Variants in TNXB observed in about 807,000 individuals in gnomAD.
The protein encoded by TNXB is tenascin XB, also known as tenascin-X.
TNXB carries 183 observed loss-of-function variants against 340.5 expected under a neutral mutation model. The observed-to-expected ratio is 0.54, with a 90% confidence interval of 0.48 to 0.61. TNXB has a LOEUF of 0.61. Among genes scored for constraint, TNXB ranks in the 20% least tolerant of loss-of-function variants. The pLI, the probability that TNXB is intolerant of heterozygous loss-of-function variation, is 0.00. For missense variants in TNXB, 4,613 were observed against 5,446.4 expected, an observed-to-expected ratio of 0.85 and a Z score of 4.82; for synonymous variants, 2,121 against 2,314.5, an observed-to-expected ratio of 0.92 and a Z score of 2.40.
chr6:32,061,345 C>T lies in TNXB; in HGVS notation c.7492+52G>A. 6 of 1,590,832 alleles carry T rather than the reference C, an allele frequency of 3.8e-6. No homozygotes were observed. The highest frequency in any genetic ancestry group is 4.3e-6 in the Non-Finnish European group (5 of 1,167,000). Reference sequence around the variant, plus strand: ...TTGGTGAAAGGGCACAGCAGTAAACCAGGTACCCATGAGGGAAAGGTGGTT... The same window carrying T: ...TTGGTGAAAGGGCACAGCAGTAAACTAGGTACCCATGAGGGAAAGGTGGTT... On this transcript the variant is annotated intron_variant, in intron 21 of 43. Transcript: ENST00000644971. The surrounding 1 kb of genome is among the most constrained non-coding windows in gnomAD (Gnocchi z 4.4).
chr6:32,061,433 GC>G lies in TNXB; in HGVS notation c.7455del (p.Arg2486GlyfsTer11). On this transcript the variant is annotated frameshift_variant, in exon 21 of 44. Transcript: ENST00000644971. LOFTEE classifies it high-confidence loss of function. The surrounding 1 kb of genome is among the most constrained non-coding windows in gnomAD (Gnocchi z 4.4). ...ACGGTGGACACCGGGCCCACGCGCCGCCCCTCGTGGAGGCCATACAGGTGCA... is the reference window on the plus strand; with the variant it reads ...ACGGTGGACACCGGGCCCACGCGCCGCCCTCGTGGAGGCCATACAGGTGCA... ...YKMHLYGLHE[G>X]RRVGPVSTVG... 1 of 1,612,732 alleles carries G rather than the reference GC, an allele frequency of 6.2e-7. No homozygotes were observed.
Position 32,073,911 on chromosome 6 carries a change from G to A in TNXB, c.4417C>T (p.Leu1473=). ...GTCAGCTCTCCTAGGCGTGGCTCCA[G>A]CGGGGACTCAGTGGCTGGAGGGGTC... ...EETPPATESP[L]EPRLGELTVT... is the part of the protein sequence containing the mutation. The change falls in exon 12 of 44, where the codon CTG becomes TTG. Residue 1473 remains leucine (L), a synonymous_variant. Transcript: ENST00000644971. This position sits in a 1 kb window ranked among gnomAD's most constrained non-coding sequence, Gnocchi z 4.6. 6.2e-7 allele frequency: 1 copy of A among 1,605,732 alleles called. No homozygotes were observed. Among genetic ancestry groups the A allele is most frequent in the Non-Finnish European group, 8.5e-7 (1 of 1,176,166 alleles).
chr6:32,056,886 T>C lies in TNXB; in HGVS notation c.7843A>G (p.Thr2615Ala). 3 of 1,611,496 alleles carry C rather than the reference T, an allele frequency of 1.9e-6. No individual in the cohort carries two copies. The highest frequency in any genetic ancestry group is 2.5e-6 in the Non-Finnish European group (3 of 1,178,826). ...VGVTEDEAET[T>A]QAVPTMTPEP... ...GGGGTCATGGTAGGCACTGCTTGGGTGGTCTCGGCTTCATCCTCTGGAGTT... is the reference window on the plus strand; with the variant it reads ...GGGGTCATGGTAGGCACTGCTTGGGCGGTCTCGGCTTCATCCTCTGGAGTT... The change falls in exon 23 of 44, where the codon ACC (threonine) becomes GCC (alanine). Residue 2615 changes from threonine (T) to alanine (A), a missense_variant. Physicochemically the swap from Thr to Ala is moderately conservative, Grantham distance 58 (BLOSUM62 0). This residue lies in a region of TNXB where 4,327 missense variants were observed against 4,859.4 expected (regional missense o/e 0.89). Coordinates refer to ENST00000644971, the MANE Select transcript of TNXB (RefSeq NM_001365276.2).
At position 32,047,112 on chromosome 6, in the gene TNXB, A is replaced by G. The variant is rs1445041790; in HGVS notation, c.10324+622T>C. 1.3e-5 allele frequency among the ~76,000 whole-genome samples: 2 copies of G among 152,110 alleles called. No individual in the cohort carries two copies. Among genetic ancestry groups the G allele is most frequent in the Non-Finnish European group, 2.9e-5 (2 of 68,002 alleles). On this transcript the variant is annotated intron_variant, in intron 30 of 43. Transcript: ENST00000644971. This position sits in a 1 kb window ranked among gnomAD's most constrained non-coding sequence, Gnocchi z 6.2. Reference sequence around the variant, plus strand: ...CTGGGGCCGATGGGTGGGGATCTGTACCCCGTCCCCACAGTGAGGGTTTGG... The same window carrying G: ...CTGGGGCCGATGGGTGGGGATCTGTGCCCCGTCCCCACAGTGAGGGTTTGG...
In TNXB at chr6:32,050,213, G is replaced by A. The variant is rs375552647; in HGVS notation, c.9224C>T (p.Ser3075Phe). The A allele has an allele frequency of 1.2e-6, 2 of 1,613,808 alleles. No homozygotes were observed. The highest frequency in any genetic ancestry group is 8.5e-7 in the Non-Finnish European group (1 of 1,179,878). Residue 3075 changes from serine to phenylalanine, a missense_variant, in exon 27 of 44, where the codon TCC (serine) becomes TTC (phenylalanine). Ser to Phe is a radical substitution (Grantham distance 155). Coordinates refer to ENST00000644971, the MANE Select transcript of TNXB (RefSeq NM_001365276.2). ...ELTVTDATPD[S>F]LSLSWMVPEG... is the part of the protein sequence containing the mutation. ...GGGAACCATCCAGGACAGGCTGAGG[G>A]AGTCGGGGGTGGCATCTGTCACGGT...
chr6:32,073,781 T>A lies in TNXB; in HGVS notation c.4547A>T (p.Gln1516Leu). 8 of 1,612,552 alleles carry A rather than the reference T, an allele frequency of 5.0e-6. No homozygotes were observed. The highest frequency in any genetic ancestry group is 6.8e-6 in the Non-Finnish European group (8 of 1,179,240). ...VQYKDKDGQP[Q>L]VVPVAADQRE... ...CTGGTCTGCCGCCACCGGCACCACC[T>A]GGGGCTGCCCGTCCTTGTCCTTGTA... Residue 1516 changes from glutamine to leucine, a missense_variant, in exon 12 of 44, where the codon CAG (glutamine) becomes CTG (leucine). By Grantham distance (113) the Gln-to-Leu change is moderately radical. This residue lies in a region of TNXB where 4,327 missense variants were observed against 4,859.4 expected (regional missense o/e 0.89). Transcript: ENST00000644971. The surrounding 1 kb of genome is among the most constrained non-coding windows in gnomAD (Gnocchi z 4.6).
chr6:32,091,097 G>C (rs1040780998), intron 4 of TNXB, among the ~76,000 whole-genome samples: 2 of 152,102 alleles, frequency 1.3e-5, no homozygotes, highest in Non-Finnish European at 2.9e-5. Context: ...CATCTTACTG[G>C]TCTGAAGCAG....
rs751518840 is a variant in TNXB at position 32,047,006 on chromosome 6, G to A, written c.10325-550C>T. 2.6e-5 allele frequency among the ~76,000 whole-genome samples: 4 copies of A among 152,258 alleles called. No homozygotes were observed. The highest frequency in any genetic ancestry group is 5.9e-5 in the Non-Finnish European group (4 of 68,046). ...GCCCCACACTGACCCCACTGGGCCGGGGCAGCCAGGGTGGGGCAGGGAGAA... is the reference window on the plus strand; with the variant it reads ...GCCCCACACTGACCCCACTGGGCCGAGGCAGCCAGGGTGGGGCAGGGAGAA... On this transcript the variant is annotated intron_variant, in intron 30 of 43. Coordinates refer to ENST00000644971, the MANE Select transcript of TNXB (RefSeq NM_001365276.2). This position sits in a 1 kb window ranked among gnomAD's most constrained non-coding sequence, Gnocchi z 6.2.
intron 11 of TNXB, among the ~76,000 whole-genome samples, chr6:32,076,905 C>T (rs916766530): frequency 6.6e-6 from 1 of 152,168 alleles, no homozygotes; most frequent in African/African-American, 2.4e-5. Context: ...CTGCTTGAAC[C>T]TGGGAGCCAG....
Position 32,096,409 on chromosome 6 carries a change from T to A in TNXB, c.1444A>T (p.Met482Leu), listed in dbSNP as rs761528068. 25 of 1,558,942 alleles carry A rather than the reference T, an allele frequency of 1.6e-5. No individual in the cohort carries two copies. The highest frequency in any genetic ancestry group is 3.0e-5 in the African/African-American group (2 of 67,790). The change falls in exon 3 of 44, where the codon ATG becomes TTG. Residue 482 changes from methionine (M) to leucine (L), a missense_variant. This residue lies in a region of TNXB where 4,327 missense variants were observed against 4,859.4 expected (regional missense o/e 0.89). Coordinates refer to ENST00000644971, the MANE Select transcript of TNXB (RefSeq NM_001365276.2). ...CGGCCTGTGTACCCCGGCCAACACA[T>A]GCAGCGGCCACTCTCACAGCGGCCC... ...GRGRCESGRC[M>L]CWPGYTGRDC...
chr6:32,046,476 A>G lies in TNXB; in HGVS notation c.10325-20T>C. 6.5e-7 allele frequency: 1 copy of G among 1,545,362 alleles called. No individual in the cohort carries two copies. On this transcript the variant is annotated intron_variant, in intron 30 of 43. Transcript: ENST00000644971. This position sits in a 1 kb window ranked among gnomAD's most constrained non-coding sequence, Gnocchi z 6.9. ...GGGGAGCTGTGCAGAGGGAGGAGGG[A>G]AAGCTCTTAGTCACATGCTGCCTTT...
Position 32,083,255 on chromosome 6 carries a change from C to T in TNXB, c.3446-929G>A, listed in dbSNP as rs1049648079. 6.6e-6 allele frequency among the ~76,000 whole-genome samples: 1 copy of T among 152,178 alleles called. No individual in the cohort carries two copies. Among genetic ancestry groups the T allele is most frequent in the Non-Finnish European group, 1.5e-5 (1 of 68,040 alleles). On this transcript the variant is annotated intron_variant, in intron 8 of 43. Coordinates refer to ENST00000644971, the MANE Select transcript of TNXB (RefSeq NM_001365276.2). The surrounding 1 kb of genome is among the most constrained non-coding windows in gnomAD (Gnocchi z 4.6). ...CACTCCGCAAGCTACCCTGTGGGCT[C>T]TTCTTCCTCTGCCTCCGCTGTGAGT... is the stretch of plus-strand genomic sequence containing the variant.
At chr6:32,054,464 C>T in intron 24 of TNXB, among the ~76,000 whole-genome samples, 1 of 152,230 alleles carries the variant, frequency 6.6e-6, no homozygotes, top group East Asian at 1.9e-4. Context: ...CCACTCAATC[C>T]TCAGTGTCTC....
rs553946005 is a variant in TNXB at position 32,086,207 on chromosome 6, C to T, written c.2780-89G>A. The T allele has an allele frequency of 2.2e-6, 3 of 1,390,442 alleles. No homozygotes were observed. The Admixed American group carries it at 8.6e-5, about 40-fold the overall frequency. The allele number at this position is 1,390,442 out of a possible 1,614,324, so 86.1% of individuals were successfully genotyped here. A position where few individuals can be genotyped will look rare whatever the true frequency, so the allele number is the denominator to read the frequency against. Reference sequence around the variant, plus strand: ...GTCCCCAGGTTCTGCCCTCCAGCCTCTAAGAGCCTTGTTCTACTTCTACTT... The same window carrying T: ...GTCCCCAGGTTCTGCCCTCCAGCCTTTAAGAGCCTTGTTCTACTTCTACTT... On this transcript the variant is annotated intron_variant, in intron 6 of 43. Transcript: ENST00000644971.
rs1412395500 is a variant in TNXB at position 32,079,788 on chromosome 6, C to T, written c.4043-423G>A. On this transcript the variant is annotated intron_variant, in intron 10 of 43. Coordinates refer to ENST00000644971, the MANE Select transcript of TNXB (RefSeq NM_001365276.2). This position sits in a 1 kb window ranked among gnomAD's most constrained non-coding sequence, Gnocchi z 7.1. ...GTGGCCTCCCCAGGCAGCCCTGCCCCTCCCTCCCCTTTAACCCCAAGGAAT... is the reference window on the plus strand; with the variant it reads ...GTGGCCTCCCCAGGCAGCCCTGCCCTTCCCTCCCCTTTAACCCCAAGGAAT... Among the ~76,000 whole-genome samples, 1 of 152,208 alleles carries T rather than the reference C, an allele frequency of 6.6e-6. No individual in the cohort carries two copies. The highest frequency in any genetic ancestry group is 1.5e-5 in the Non-Finnish European group (1 of 68,032).
chr6:32,053,805 A>G, intron 24 of TNXB, 94 bp from the exon 25 acceptor site: 4 of 1,423,466 alleles, frequency 2.8e-6, no homozygotes, highest in Non-Finnish European at 3.9e-6. Context: ...CAAGAGCAGG[A>G]CGATGCTGCC....
In TNXB at chr6:32,061,255, T is replaced by A. The variant is rs994812379; in HGVS notation, c.7492+142A>T. ...AAAGTGAACAAGCAAACCGCTAGCATAGGCCACAGCCACAGGGCACAGAGG... is the reference window on the plus strand; with the variant it reads ...AAAGTGAACAAGCAAACCGCTAGCAAAGGCCACAGCCACAGGGCACAGAGG... On this transcript the variant is annotated intron_variant, in intron 21 of 43. Coordinates refer to ENST00000644971, the MANE Select transcript of TNXB (RefSeq NM_001365276.2). The surrounding 1 kb of genome is among the most constrained non-coding windows in gnomAD (Gnocchi z 4.4). 1 of 1,311,178 alleles carries A rather than the reference T, an allele frequency of 7.6e-7. No homozygotes were observed. 81.2% of individuals were successfully genotyped at this position (1,311,178 alleles called of 1,614,324 possible). A position where few individuals can be genotyped will look rare whatever the true frequency, so the allele number is the denominator to read the frequency against.
chr6:32,081,746 T>A lies in TNXB; in HGVS notation c.3737-73A>T. 9.2e-6 allele frequency: 6 copies of A among 652,456 alleles called. No homozygotes were observed. The highest frequency in any genetic ancestry group is 2.8e-5 in the Admixed American group (1 of 35,814). 40.4% of individuals were successfully genotyped at this position (652,456 alleles called of 1,614,324 possible). A position where few individuals can be genotyped will look rare whatever the true frequency, so the allele number is the denominator to read the frequency against. On this transcript the variant is annotated intron_variant, in intron 9 of 43. Coordinates refer to ENST00000644971, the MANE Select transcript of TNXB (RefSeq NM_001365276.2). The surrounding 1 kb of genome is among the most constrained non-coding windows in gnomAD (Gnocchi z 5.1). ...TGGGGCTTGGGGTTTCGACGGGATG[T>A]CACACCTATGGGGGGTGGGGGGTCA...
intron 6 of TNXB, among the ~76,000 whole-genome samples, chr6:32,088,437 C>G (rs1467912803): frequency 6.6e-6 from 1 of 152,208 alleles, no homozygotes; most frequent in Non-Finnish European, 1.5e-5. Flanking sequence ...TGCCTAATTC[C>G]AGTCCCACAA....
Sources: allele counts gnomAD v4.1 joint callset (sites outside exome capture counted in the v4.1 genomes callset), GRCh38; gene constraint gnomAD v4.1.1; regional missense constraint gnomAD v4.1.1; non-coding constraint Gnocchi (gnomAD v3.1); transcripts MANE v1.5; gene names NCBI Gene and HGNC (gene_info 2026-07-23, HGNC 2026-07-21).